ENTREP2: variants seen among roughly 807,000 people sequenced by gnomAD.
ENTREP2 encodes the protein endosomal transmembrane epsin interactor 2.
At chr15:29,164,924 T>C in the ENTREP2 span, among the ~76,000 whole-genome samples, 1 of 152,130 alleles carries the variant, frequency 6.6e-6, no homozygotes, top group African/African-American at 2.4e-5. Context: ...GACTATATGA[T>C]AGGCCATAAA....
At chr15:29,509,268 A>G in the ENTREP2 span, among the ~76,000 whole-genome samples, 1 of 152,218 alleles carries the variant, frequency 6.6e-6, no homozygotes, top group Non-Finnish European at 1.5e-5. Flanking sequence ...AAACAAATAG[A>G]AAAACATTCC....
the ENTREP2 span, among the ~76,000 whole-genome samples, chr15:29,443,222 C>T: frequency 6.6e-6 from 1 of 152,180 alleles, no homozygotes; most frequent in Non-Finnish European, 1.5e-5. Flanking sequence ...CTCCTTGTCC[C>T]ACATGTAAAA....
At chr15:29,551,483 C>G in the ENTREP2 span, among the ~76,000 whole-genome samples, 1 of 152,090 alleles carries the variant, frequency 6.6e-6, no homozygotes, top group African/African-American at 2.4e-5. Context: ...TTCATTATTA[C>G]GTGCTCAATA....
chr15:29,312,441 T>G, the ENTREP2 span, among the ~76,000 whole-genome samples: 1 of 152,054 alleles, frequency 6.6e-6, no homozygotes, highest in Non-Finnish European at 1.5e-5. Flanking sequence ...AGATGTTGAG[T>G]TTTTTTACGG....
At chr15:29,138,691 G>T in the ENTREP2 span, among the ~76,000 whole-genome samples, 1 of 113,500 alleles carries the variant, frequency 8.8e-6, no homozygotes, top group Non-Finnish European at 1.8e-5. Context: ...GTATGTGTAT[G>T]TGTGTGTATG....
the ENTREP2 span, among the ~76,000 whole-genome samples, chr15:29,458,538 C>T: frequency 1.3e-5 from 2 of 152,132 alleles, no homozygotes; most frequent in South Asian, 2.1e-4. Flanking sequence ...GCCTCCCTGC[C>T]CCTCCTCCCA....
the ENTREP2 span, among the ~76,000 whole-genome samples, chr15:29,315,211 CATT>C: frequency 6.6e-5 from 10 of 152,240 alleles, no homozygotes; most frequent in South Asian, 1.0e-3. Context: ...AAAAAATCAT[CATT>C]GTCTCCTAGA....
At chr15:29,222,119 A>G in the ENTREP2 span, among the ~76,000 whole-genome samples, 1 of 152,172 alleles carries the variant, frequency 6.6e-6, no homozygotes, top group Non-Finnish European at 1.5e-5. Context: ...GTAGGAGGTC[A>G]GCACAAGATA....
chr15:29,653,275 C>T, the ENTREP2 span, among the ~76,000 whole-genome samples: 2 of 152,184 alleles, frequency 1.3e-5, no homozygotes, highest in African/African-American at 2.4e-5. Context: ...CAGAGTAAGA[C>T]CCAATGACCA....
chr15:29,300,819 G>C, the ENTREP2 span, among the ~76,000 whole-genome samples: 1,143 of 152,250 alleles, frequency 7.5e-3, 11 homozygotes, highest in African/African-American at 0.025. Context: ...AGACAGTCTC[G>C]ATCTCTTGAC....
chr15:29,230,110 T>C, the ENTREP2 span, among the ~76,000 whole-genome samples: 5 of 152,200 alleles, frequency 3.3e-5, no homozygotes, highest in Admixed American at 3.3e-4. Flanking sequence ...CAAAGTCCCA[T>C]GAATTCAACC....
chr15:29,311,975 A>T, the ENTREP2 span, among the ~76,000 whole-genome samples: 1 of 152,220 alleles, frequency 6.6e-6, no homozygotes, highest in South Asian at 2.1e-4. Context: ...GATGCACCAA[A>T]GGTATGTGAA....
At chr15:29,175,877 A>T in the ENTREP2 span, among the ~76,000 whole-genome samples, 1 of 152,222 alleles carries the variant, frequency 6.6e-6, no homozygotes, top group African/African-American at 2.4e-5. Context: ...AAGTGCTGGG[A>T]TAACAGGCGT....
the ENTREP2 span, among the ~76,000 whole-genome samples, chr15:29,204,532 G>A: frequency 2.0e-4 from 31 of 152,122 alleles, no homozygotes; most frequent in African/African-American, 5.6e-4. Flanking sequence ...GAGGAGGAAG[G>A]AGGCGCAGCA....
At chr15:29,423,268 T>C in the ENTREP2 span, among the ~76,000 whole-genome samples, 2 of 152,196 alleles carry the variant, frequency 1.3e-5, no homozygotes, top group Non-Finnish European at 2.9e-5. Flanking sequence ...AATGCTGGCA[T>C]AGGAAATTAT....
the ENTREP2 span, among the ~76,000 whole-genome samples, chr15:29,642,291 T>C: frequency 6.6e-6 from 1 of 151,958 alleles, no homozygotes; most frequent in East Asian, 1.9e-4. Flanking sequence ...AGGATAGATA[T>C]ATAGATCAGT....
At chr15:29,427,027 C>T in the ENTREP2 span, among the ~76,000 whole-genome samples, 1,152 of 152,146 alleles carry the variant, frequency 7.6e-3, 10 homozygotes, top group South Asian at 0.032. Context: ...TCCAGATGGA[C>T]CTTATTATCT....
At chr15:29,169,570 A>G in the ENTREP2 span, among the ~76,000 whole-genome samples, 1 of 152,234 alleles carries the variant, frequency 6.6e-6, no homozygotes, top group Non-Finnish European at 1.5e-5. Flanking sequence ...AATTAAATAC[A>G]GTAGCATTTT....
the ENTREP2 span, among the ~76,000 whole-genome samples, chr15:29,183,259 C>G: frequency 6.6e-6 from 1 of 152,102 alleles, no homozygotes; most frequent in African/African-American, 2.4e-5. Context: ...AGAGAAAAAA[C>G]CAGGGAGTTA....
Sources: allele counts gnomAD v4.1 joint callset (sites outside exome capture counted in the v4.1 genomes callset), GRCh38; gene constraint gnomAD v4.1.1; transcripts MANE v1.5; gene names NCBI Gene and HGNC (gene_info 2026-07-23, HGNC 2026-07-21).